The following GPRC5A variants were observed in gnomAD, a reference collection of about 807,000 sequenced individuals.
GPRC5A encodes retinoic acid-induced protein 3.
A neutral mutation model predicts 22.5 loss-of-function variants in GPRC5A; 19 were observed. That is an observed-to-expected ratio of 0.85 (90% CI 0.59 to 1.24). The LOEUF (loss-of-function observed/expected upper bound fraction) is 1.24, where lower values mean the gene tolerates loss of function less well. GPRC5A is among the 50% of genes most tolerant of loss of function. GPRC5A has a pLI of 0.00. For missense variants in GPRC5A, 471 were observed against 451.1 expected, an observed-to-expected ratio of 1.04 and a Z score of -0.40; for synonymous variants, 192 against 184.5, an observed-to-expected ratio of 1.04 and a Z score of -0.33.
intron 1 of GPRC5A, among the ~76,000 whole-genome samples, chr12:12,894,440 G>T (rs1458469976): frequency 1.3e-5 from 2 of 152,112 alleles, no homozygotes; most frequent in African/African-American, 4.8e-5. Context: ...ACAGGGTCTT[G>T]CTCTGTTGCC....
rs778002793 is a variant in GPRC5A at position 12,908,396 on chromosome 12, C to T, written c.147C>T (p.Leu49=). 1.2e-6 allele frequency: 2 copies of T among 1,614,126 alleles called. No individual in the cohort carries two copies. The highest frequency in any genetic ancestry group is 8.5e-7 in the Non-Finnish European group (1 of 1,180,022). Residue 49 remains leucine, a synonymous_variant, in exon 2 of 4, where the codon CTC becomes CTT. Coordinates refer to ENST00000014914, the MANE Select transcript of GPRC5A (RefSeq NM_003979.4). The stretch of plus-strand genomic sequence containing the variant: ...CCTCGGTGGCCTTCATGCTCACTCT[C>T]CCGATCCTCGTCTGCAAGGTGCAGG... ...VVTSVAFMLT[L]PILVCKVQDS...
intron 2 of GPRC5A, among the ~76,000 whole-genome samples, chr12:12,911,451 G>A (rs1864002792): frequency 6.6e-6 from 1 of 151,740 alleles, no homozygotes; most frequent in African/African-American, 2.4e-5. Flanking sequence ...CCCCTGGCCA[G>A]ATCTATATCT....
intron 1 of GPRC5A, among the ~76,000 whole-genome samples, chr12:12,899,461 A>G (rs1418350423): frequency 2.0e-5 from 3 of 152,160 alleles, no homozygotes; most frequent in Non-Finnish European, 4.4e-5. Flanking sequence ...TAGAGGTGAA[A>G]AGGAGGATTG....
chr12:12,894,750 T>C (rs1256380098), intron 1 of GPRC5A, among the ~76,000 whole-genome samples: 2 of 148,072 alleles, frequency 1.4e-5, no homozygotes, highest in Non-Finnish European at 1.5e-5. Flanking sequence ...CTATATTAGT[T>C]GGTGCATAAA....
At chr12:12,896,735 T>C (rs1863825673) in intron 1 of GPRC5A, among the ~76,000 whole-genome samples, 1 of 152,122 alleles carries the variant, frequency 6.6e-6, no homozygotes. Context: ...TTAAGAAGCT[T>C]GTTGTCTGGC....
chr12:12,905,819 A>C (rs572560478), intron 1 of GPRC5A, among the ~76,000 whole-genome samples: 1 of 152,294 alleles, frequency 6.6e-6, no homozygotes, highest in East Asian at 1.9e-4. Flanking sequence ...CAAAGGACAG[A>C]TATATGGGAA....
In GPRC5A at chr12:12,913,163, C is replaced by G. The variant is rs922609876; in HGVS notation, c.*624C>G. On this transcript the variant is annotated 3_prime_UTR_variant, in exon 4 of 4. Transcript: ENST00000014914. The stretch of plus-strand genomic sequence containing the variant: ...AAAATAGCAAAAGCCTCTCTCAGCC[C>G]ACTGGCCTGAATCTACACTGGAAGC... The G allele has an allele frequency of 6.5e-6, 1 of 152,812 alleles. No individual in the cohort carries two copies. The highest frequency in any genetic ancestry group is 1.5e-5 in the Non-Finnish European group (1 of 68,220). The allele number at this position is 152,812 out of a possible 1,614,324, so 9.5% of individuals were successfully genotyped here. A position where few individuals can be genotyped will look rare whatever the true frequency, so the allele number is the denominator to read the frequency against.
intron 1 of GPRC5A, among the ~76,000 whole-genome samples, chr12:12,898,245 A>G (rs1863843736): frequency 6.6e-6 from 1 of 152,180 alleles, no homozygotes; most frequent in South Asian, 2.1e-4. Flanking sequence ...AAATAACACC[A>G]TATATGGCCA....
intron 1 of GPRC5A, among the ~76,000 whole-genome samples, 179 bp from the exon 2 acceptor site, chr12:12,908,064 G>A (rs1294862696): frequency 1.3e-5 from 2 of 152,244 alleles, no homozygotes; most frequent in African/African-American, 4.8e-5. Context: ...ACAGGTTTTA[G>A]AATTTACTAC....
At chr12:12,911,688 C>T (rs2136462872) in intron 2 of GPRC5A, among the ~76,000 whole-genome samples, 1 of 152,216 alleles carries the variant, frequency 6.6e-6, no homozygotes, top group South Asian at 2.1e-4. Flanking sequence ...TGGGGTTTCA[C>T]CTTGTTAGCC....
chr12:12,916,394 C>T lies in GPRC5A; in HGVS notation c.*3855C>T, dbSNP rs1055405777. On this transcript the variant is annotated 3_prime_UTR_variant, in exon 4 of 4. Coordinates refer to ENST00000014914, the MANE Select transcript of GPRC5A (RefSeq NM_003979.4). Reference sequence around the variant, plus strand: ...GAGGCCGTCCAAAGCGGCCATGCCCCATGTTTCCACTAGATGGCGCTGACA... The same window carrying T: ...GAGGCCGTCCAAAGCGGCCATGCCCTATGTTTCCACTAGATGGCGCTGACA... The T allele has an allele frequency of 3.3e-5, 5 of 152,258 alleles. No individual in the cohort carries two copies. Among genetic ancestry groups the T allele is most frequent in the African/African-American group, 1.2e-4 (5 of 41,460 alleles). 9.4% of individuals were successfully genotyped at this position (152,258 alleles called of 1,614,324 possible).
intron 1 of GPRC5A, among the ~76,000 whole-genome samples, chr12:12,898,661 C>A (rs1363047151): frequency 6.6e-6 from 1 of 152,176 alleles, no homozygotes; most frequent in African/African-American, 2.4e-5. Flanking sequence ...TATCAAAGAG[C>A]CAACAAAGCT....
At chr12:12,902,264 TG>T (rs1470202577) in intron 1 of GPRC5A, among the ~76,000 whole-genome samples, 2 of 151,744 alleles carry the variant, frequency 1.3e-5, no homozygotes, top group East Asian at 3.9e-4. Flanking sequence ...AGGGATGGGG[TG>T]GGGGAGGCTA....
intron 1 of GPRC5A, among the ~76,000 whole-genome samples, chr12:12,892,857 G>A (rs1413447342): frequency 6.6e-6 from 1 of 152,164 alleles, no homozygotes; most frequent in Admixed American, 6.5e-5. Flanking sequence ...ATTCCTGAAG[G>A]GGAACACTTC....
At chr12:12,903,436 G>A (rs549245340) in intron 1 of GPRC5A, among the ~76,000 whole-genome samples, 122 of 152,134 alleles carry the variant, frequency 8.0e-4, no homozygotes, top group Non-Finnish European at 1.1e-3. Context: ...GTGCCCCTCC[G>A]CACCTGGCTA....
rs534207638 is a variant in GPRC5A, at chr12:12,898,512, C to T, written c.-8+6848C>T. Among the ~76,000 whole-genome samples, 18 of 150,528 alleles carry T rather than the reference C, an allele frequency of 1.2e-4. No homozygotes were observed. The East Asian group carries it at 1.8e-3, about 15-fold the overall frequency. On this transcript the variant is annotated intron_variant, in intron 1 of 3. Coordinates refer to ENST00000014914, the MANE Select transcript of GPRC5A (RefSeq NM_003979.4). Reference sequence around the variant, plus strand: ...TGCCATTGCATCACTCCAGCCTGGGCGACAGAGAGACTTTGTCTCAAAAGA... The same window carrying T: ...TGCCATTGCATCACTCCAGCCTGGGTGACAGAGAGACTTTGTCTCAAAAGA...
rs2136464931 is a variant in GPRC5A, at chr12:12,914,687, C to T, written c.*2148C>T. ...CTGGAGTGCAGTGGCATGATCTCAG[C>T]TCACTGCAGCCTCCGCATCCTGGGT... On this transcript the variant is annotated 3_prime_UTR_variant, in exon 4 of 4. Transcript: ENST00000014914. The T allele has an allele frequency of 6.6e-6, 1 of 151,466 alleles. No individual in the cohort carries two copies. Among genetic ancestry groups the T allele is most frequent in the South Asian group, 2.1e-4 (1 of 4,790 alleles). 9.4% of individuals were successfully genotyped at this position (151,466 alleles called of 1,614,324 possible).
intron 1 of GPRC5A, among the ~76,000 whole-genome samples, chr12:12,903,846 A>G (rs1863913902): frequency 6.6e-6 from 1 of 152,154 alleles, no homozygotes; most frequent in Non-Finnish European, 1.5e-5. Flanking sequence ...CCAGTACCAG[A>G]ACTGTTCTTG....
chr12:12,909,374 T>C (rs528157619), intron 2 of GPRC5A: 1 of 545,454 alleles, frequency 1.8e-6, no homozygotes, highest in Non-Finnish European at 3.2e-6. Flanking sequence ...TCTGGAGTCT[T>C]TATTGAGTAC....
Sources: allele counts gnomAD v4.1 joint callset (sites outside exome capture counted in the v4.1 genomes callset), GRCh38; gene constraint gnomAD v4.1.1; transcripts MANE v1.5; gene names NCBI Gene and HGNC (gene_info 2026-07-23, HGNC 2026-07-21).